The following CD163L1 variants were observed in gnomAD, a reference collection of about 807,000 sequenced individuals.
CD163L1 encodes the protein CD163 molecule like 1, also known as scavenger receptor cysteine-rich type 1 protein M160.
CD163L1 carries 124 observed loss-of-function variants against 165.4 expected under a neutral mutation model. The ratio of observed to expected loss-of-function variants is 0.75; its 90% CI spans 0.65 to 0.87. CD163L1 has a LOEUF of 0.87. Ranked by LOEUF, CD163L1 falls within the 40% of genes least tolerant of loss-of-function variation. The probability of loss-of-function intolerance (pLI) is 0.00; values close to 1 mark genes in which losing one functional copy is unlikely to be tolerated. For synonymous variants in CD163L1, 585 were observed against 662.2 expected (o/e 0.88, Z 1.79); for missense variants, 1,525 against 1,799.9 (o/e 0.85, Z 2.76).
the CD163L1 span, chr12:7,328,555 G>C: frequency 5.3e-6 from 2 of 375,016 alleles, no homozygotes; most frequent in South Asian, 6.4e-5. Context: ...CCTCAAAAAC[G>C]TATGGATGAA....
At chr12:7,430,996 G>T (rs141525105) in intron 4 of CD163L1, among the ~76,000 whole-genome samples, 1 of 152,140 alleles carries the variant, frequency 6.6e-6, no homozygotes, top group East Asian at 1.9e-4. Context: ...TGTGGAAAAT[G>T]GATTTGAAGG....
At chr12:7,435,596 T>C (rs1489476812) in intron 2 of CD163L1, among the ~76,000 whole-genome samples, 1 of 152,002 alleles carries the variant, frequency 6.6e-6, no homozygotes, top group Non-Finnish European at 1.5e-5. Flanking sequence ...ATATGAGTCA[T>C]ATCCTCATAC....
chr12:7,380,273 T>C (rs756669880), intron 8 of CD163L1, among the ~76,000 whole-genome samples: 332 of 15,032 alleles, frequency 0.022, no homozygotes, highest in African/African-American at 0.076. Context: ...AAAGAAACTG[T>C]GGTGTGTGTG....
At chr12:7,336,895 G>A in the CD163L1 span, among the ~76,000 whole-genome samples, 1 of 152,206 alleles carries the variant, frequency 6.6e-6, no homozygotes, top group Admixed American at 6.5e-5. Flanking sequence ...AAAGCTGGAG[G>A]CATCATGCTA....
Position 7,432,688 on chromosome 12 carries a change from G to C in CD163L1, c.494C>G (p.Ser165Ter). 2 of 1,613,832 alleles carry C rather than the reference G, an allele frequency of 1.2e-6. No individual in the cohort carries two copies. Among genetic ancestry groups the C allele is most frequent in the Non-Finnish European group, 8.5e-7 (1 of 1,179,924 alleles). Residue 165 changes from serine (S) to a stop codon, truncating the protein, a stop_gained, in exon 4 of 20, where the codon TCA (serine) becomes TGA (stop). Coordinates refer to ENST00000313599, the MANE Select transcript of CD163L1 (RefSeq NM_174941.6). LOFTEE classifies it high-confidence loss of function. The surrounding 1 kb of genome is among the most constrained non-coding windows in gnomAD (Gnocchi z 4.2). ...TTGGAATTTCACCTCCACTCTCCCTGAACAGGAGTTGTTTCCATCCACTAG... is the reference window on the plus strand; with the variant it reads ...TTGGAATTTCACCTCCACTCTCCCTCAACAGGAGTTGTTTCCATCCACTAG... ...LRLVDGNNSC[S>*]GRVEVKFQER...
chr12:7,366,411 T>A (rs1947022262), intron 18 of CD163L1, among the ~76,000 whole-genome samples: 1 of 152,132 alleles, frequency 6.6e-6, no homozygotes, highest in Admixed American at 6.6e-5. Flanking sequence ...TCTGGTATAA[T>A]AAAAAGACAA....
rs193302445 is a variant in CD163L1 at position 7,392,376 on chromosome 12, C to T, written c.2050+3719G>A. Among the ~76,000 whole-genome samples, 318 of 152,034 alleles carry T rather than the reference C, an allele frequency of 2.1e-3. 1 individual carries two copies. The highest frequency in any genetic ancestry group is 3.5e-3 in the Non-Finnish European group (239 of 67,970). On this transcript the variant is annotated intron_variant, in intron 8 of 19. Transcript: ENST00000313599. Reference sequence around the variant, plus strand: ...AAATAAAGATGTTCTTTGAAACCAACGAGAACAAAAACACAATATGCCAGA... The same window carrying T: ...AAATAAAGATGTTCTTTGAAACCAATGAGAACAAAAACACAATATGCCAGA...
the CD163L1 span, among the ~76,000 whole-genome samples, chr12:7,338,301 C>T: frequency 3.9e-5 from 6 of 151,996 alleles, no homozygotes; most frequent in Non-Finnish European, 7.4e-5. Context: ...TATCCCAGAA[C>T]TTAAAGTATA....
chr12:7,399,108 T>C (rs1167289678), intron 6 of CD163L1, among the ~76,000 whole-genome samples: 1 of 152,102 alleles, frequency 6.6e-6, no homozygotes, highest in Non-Finnish European at 1.5e-5. Flanking sequence ...ACTTGAGAAA[T>C]ATTGAGAAAA....
chr12:7,321,385 G>A, the CD163L1 span, among the ~76,000 whole-genome samples: 1 of 152,172 alleles, frequency 6.6e-6, no homozygotes, highest in African/African-American at 2.4e-5. Context: ...AATACATGAG[G>A]AGAGAAAGGA....
chr12:7,358,645 T>C (rs1946827378), intron 18 of CD163L1, among the ~76,000 whole-genome samples: 1 of 152,046 alleles, frequency 6.6e-6, no homozygotes, highest in Admixed American at 6.6e-5. Flanking sequence ...ACCAACACTC[T>C]CTTTACCTCA....
intron 8 of CD163L1, among the ~76,000 whole-genome samples, chr12:7,391,218 C>G (rs907464467): frequency 6.6e-6 from 1 of 152,140 alleles, no homozygotes; most frequent in Non-Finnish European, 1.5e-5. Context: ...CTGTAGGTCA[C>G]CAACATCGAA....
At chr12:7,352,675 A>T (rs1206389738), downstream of CD163L1, among the ~76,000 whole-genome samples, 1 of 152,148 alleles carries the variant, frequency 6.6e-6, no homozygotes, top group African/African-American at 2.4e-5. Flanking sequence ...TAGAGGGATG[A>T]CCTGTTTTAA....
chr12:7,375,605 G>A lies in CD163L1; in HGVS notation c.2687-10C>T. ...CGGACATCTGTATATCCTAGGAGGA[G>A]ACAAGGCCATAGAAGAGACATCATG... On this transcript the variant is annotated splice_polypyrimidine_tract_variant and intron_variant, in intron 10 of 19. Coordinates refer to ENST00000313599, the MANE Select transcript of CD163L1 (RefSeq NM_174941.6). The A allele has an allele frequency of 2.5e-6, 4 of 1,611,830 alleles. No homozygotes were observed. The highest frequency in any genetic ancestry group is 3.4e-6 in the Non-Finnish European group (4 of 1,179,646).
At chr12:7,333,878 T>C in the CD163L1 span, among the ~76,000 whole-genome samples, 2 of 152,132 alleles carry the variant, frequency 1.3e-5, no homozygotes, top group African/African-American at 4.8e-5. Context: ...ACAAATAAAC[T>C]AGAAAATCTA....
intron 18 of CD163L1, among the ~76,000 whole-genome samples, chr12:7,361,921 CCT>C (rs1444436364): frequency 2.0e-5 from 3 of 151,868 alleles, no homozygotes; most frequent in African/African-American, 7.2e-5. Context: ...CATTCTCCCT[CCT>C]CCAGCCCCTG....
At position 7,432,037 on chromosome 12, in the gene CD163L1, G is replaced by A. The variant is rs745375650; in HGVS notation, c.766+379C>T. On this transcript the variant is annotated intron_variant, in intron 4 of 19. Transcript: ENST00000313599. This position sits in a 1 kb window ranked among gnomAD's most constrained non-coding sequence, Gnocchi z 4.2. ...GGGACTTAGTCCTGATGAAATCTAA[G>A]TTTTGGTAGCTGGAAAGAATTAGTA... Among the ~76,000 whole-genome samples the A allele has an allele frequency of 6.6e-6, 1 of 152,270 alleles. No individual in the cohort carries two copies. Among genetic ancestry groups the A allele is most frequent in the African/African-American group, 2.4e-5 (1 of 41,550 alleles).
intron 2 of CD163L1, among the ~76,000 whole-genome samples, chr12:7,437,702 A>G (rs1013778244): frequency 8.4e-6 from 1 of 119,640 alleles, no homozygotes; most frequent in Non-Finnish European, 1.8e-5. Context: ...CTGTATATTT[A>G]TTTGAAAACC....
chr12:7,388,038 T>A (rs980202766), intron 8 of CD163L1, among the ~76,000 whole-genome samples: 1 of 152,192 alleles, frequency 6.6e-6, no homozygotes, highest in Non-Finnish European at 1.5e-5. Flanking sequence ...GAAGGATCCC[T>A]CTTCAACAAA....
Sources: allele counts gnomAD v4.1 joint callset (sites outside exome capture counted in the v4.1 genomes callset), GRCh38; gene constraint gnomAD v4.1.1; non-coding constraint Gnocchi (gnomAD v3.1); transcripts MANE v1.5; gene names NCBI Gene and HGNC (gene_info 2026-07-23, HGNC 2026-07-21).